The following PRKG2 variants were observed in gnomAD, a reference collection of about 807,000 sequenced individuals.
PRKG2 encodes protein kinase cGMP-dependent 2.
In PRKG2, 33 loss-of-function variants were observed where a neutral mutation model predicts 97.2. That is an observed-to-expected ratio of 0.34 (90% CI 0.26 to 0.45). The LOEUF (loss-of-function observed/expected upper bound fraction) is 0.45, where lower values mean the gene tolerates loss of function less well. Ranked by LOEUF, PRKG2 falls within the 20% of genes least tolerant of loss-of-function variation. PRKG2 has a pLI of 1.00. For missense variants in PRKG2, 638 were observed against 900.0 expected, an observed-to-expected ratio of 0.71 and a Z score of 3.73; for synonymous variants, 330 against 321.8, an observed-to-expected ratio of 1.03 and a Z score of -0.27.
chr4:81,118,161 C>T (rs1298247655), intron 14 of PRKG2, among the ~76,000 whole-genome samples: 1 of 152,134 alleles, frequency 6.6e-6, no homozygotes, highest in African/African-American at 2.4e-5. Flanking sequence ...CATCTTTTCG[C>T]GGCTTGATAA....
At chr4:81,208,378 G>T (rs1372500600) in intron 1 of PRKG2, among the ~76,000 whole-genome samples, 2 of 152,124 alleles carry the variant, frequency 1.3e-5, no homozygotes, top group African/African-American at 2.4e-5. Context: ...TTTCTGGGTA[G>T]GACAGAAGTC....
At chr4:81,164,375 G>A (rs181030286) in intron 6 of PRKG2, among the ~76,000 whole-genome samples, 1 of 151,916 alleles carries the variant, frequency 6.6e-6, no homozygotes, top group Non-Finnish European at 1.5e-5. Flanking sequence ...TTAGCTCAAT[G>A]GTTCATAAAC....
intron 4 of PRKG2, among the ~76,000 whole-genome samples, chr4:81,171,431 G>GA (rs113486940): frequency 0.011 from 1,668 of 152,146 alleles, 35 homozygotes; most frequent in African/African-American, 0.038. Flanking sequence ...CATTTGGATT[G>GA]ATTCCATGTC....
intron 18 of PRKG2, among the ~76,000 whole-genome samples, chr4:81,090,748 G>A (rs779066657): frequency 3.4e-4 from 52 of 152,110 alleles, no homozygotes; most frequent in Middle Eastern, 3.2e-3. Context: ...AAGTGACATC[G>A]CTGTAATAAA....
chr4:81,089,509 T>A lies in PRKG2; in HGVS notation c.*199A>T, dbSNP rs1299701465. 3 of 445,834 alleles carry A rather than the reference T, an allele frequency of 6.7e-6. No individual in the cohort carries two copies. The highest frequency in any genetic ancestry group is 8.1e-5 in the Admixed American group (2 of 24,780). 27.6% of individuals were successfully genotyped at this position (445,834 alleles called of 1,614,324 possible). A position where few individuals can be genotyped will look rare whatever the true frequency, so the allele number is the denominator to read the frequency against. On this transcript the variant is annotated 3_prime_UTR_variant, in exon 19 of 19. Coordinates refer to ENST00000264399, the MANE Select transcript of PRKG2 (RefSeq NM_006259.3). ...AAAAGCAAATAATGTAATACATCAA[T>A]AATTCACAGCATCTAAATAAGACAC...
At chr4:81,193,743 G>A (rs1279084139) in intron 2 of PRKG2, among the ~76,000 whole-genome samples, 1 of 152,146 alleles carries the variant, frequency 6.6e-6, no homozygotes. Flanking sequence ...AGGAGGCAGA[G>A]GCAGGAGAAT....
intron 3 of PRKG2, among the ~76,000 whole-genome samples, chr4:81,174,124 C>A (rs1397589915): frequency 6.6e-6 from 1 of 151,878 alleles, no homozygotes; most frequent in African/African-American, 2.4e-5. Flanking sequence ...TATAATCTTC[C>A]CAACTTGTAA....
intron 6 of PRKG2, among the ~76,000 whole-genome samples, chr4:81,158,729 G>A (rs1439838003): frequency 6.6e-6 from 1 of 152,048 alleles, no homozygotes; most frequent in Non-Finnish European, 1.5e-5. Context: ...AAAACAGCAT[G>A]GTGCTGGTAC....
At chr4:81,164,476 A>G (rs1254331514) in intron 6 of PRKG2, among the ~76,000 whole-genome samples, 1 of 152,146 alleles carries the variant, frequency 6.6e-6, no homozygotes, top group Admixed American at 6.6e-5. Context: ...GGTTTATGCG[A>G]GTGTTGGTAA....
chr4:81,216,864 T>C (rs1754288508), upstream of PRKG2, among the ~76,000 whole-genome samples: 1 of 150,016 alleles, frequency 6.7e-6, no homozygotes, highest in Non-Finnish European at 1.5e-5. Flanking sequence ...TATGATTTCA[T>C]TGTTTTTGTG....
At chr4:81,151,398 C>T (rs1748387588) in intron 8 of PRKG2, among the ~76,000 whole-genome samples, 1 of 152,028 alleles carries the variant, frequency 6.6e-6, no homozygotes, top group Non-Finnish European at 1.5e-5. Flanking sequence ...ATTTAATTAA[C>T]TTTTAAAAAT....
rs772489209 is a variant in PRKG2, at chr4:81,092,437, A to G, written c.2142T>C (p.Phe714=). 2 of 1,587,252 alleles carry G rather than the reference A, an allele frequency of 1.3e-6. No individual in the cohort carries two copies. The highest frequency in any genetic ancestry group is 3.4e-5 in the Admixed American group (2 of 59,006). ...TCCGTGCTTTCAGTCCCTCCCAATT[A>G]AAACCATTTAACCACCTGAGAAATG... is the stretch of plus-strand genomic sequence containing the variant. ...DIKKHRWLNG[F]NWEGLKARSL... is the part of the protein sequence containing the mutation. Residue 714 remains phenylalanine (F), a synonymous_variant, in exon 18 of 19, where the codon TTT becomes TTC. Transcript: ENST00000264399.
At chr4:81,121,372 A>C (rs1745053973) in intron 14 of PRKG2, among the ~76,000 whole-genome samples, 1 of 152,184 alleles carries the variant, frequency 6.6e-6, no homozygotes, top group Non-Finnish European at 1.5e-5. Flanking sequence ...GTAGAGAATC[A>C]GTATAATTTC....
At chr4:81,163,804 T>C (rs1048052161) in intron 6 of PRKG2, among the ~76,000 whole-genome samples, 6 of 150,258 alleles carry the variant, frequency 4.0e-5, no homozygotes, top group Non-Finnish European at 7.4e-5. Context: ...AAAAAGCAAA[T>C]GAAATCCTCA....
intron 2 of PRKG2, among the ~76,000 whole-genome samples, chr4:81,196,859 CAAATCATTTT>C (rs943359136): frequency 5.3e-5 from 8 of 150,036 alleles, no homozygotes; most frequent in African/African-American, 7.5e-5. Flanking sequence ...AGAAAGAAGA[CAAATCATTTT>C]AAAGTGAGAC....
chr4:81,163,617 C>T (rs78023086), intron 6 of PRKG2, among the ~76,000 whole-genome samples: 16,577 of 151,990 alleles, frequency 0.11, 1,104 homozygotes, highest in Middle Eastern at 0.21. Flanking sequence ...TTACTGTAAA[C>T]AAAATGTTCA....
At chr4:81,156,832 G>A (rs1749141893) in intron 6 of PRKG2, among the ~76,000 whole-genome samples, 2 of 152,122 alleles carry the variant, frequency 1.3e-5, no homozygotes, top group African/African-American at 2.4e-5. Context: ...AATGACTACT[G>A]GGTACATAAC....
rs1039578506 is a variant in PRKG2, at chr4:81,126,719, G to T, written c.1776+8436C>A. Among the ~76,000 whole-genome samples the T allele has an allele frequency of 5.3e-5, 8 of 150,116 alleles. No homozygotes were observed. The East Asian group carries it at 7.8e-4, about 15-fold the overall frequency. Reference sequence around the variant, plus strand: ...CCTCTCCTTTGCCCACTTTTTGATGGTTTTTTTTTCTTGTAAATTTTTTTA... The same window carrying T: ...CCTCTCCTTTGCCCACTTTTTGATGTTTTTTTTTTCTTGTAAATTTTTTTA... On this transcript the variant is annotated intron_variant, in intron 14 of 18. Transcript: ENST00000264399.
At chr4:81,206,245 T>A (rs1753641271) in intron 1 of PRKG2, among the ~76,000 whole-genome samples, 1 of 152,184 alleles carries the variant, frequency 6.6e-6, no homozygotes, top group South Asian at 2.1e-4. Flanking sequence ...GCACATGCAG[T>A]TTTTGACAGC....
Sources: allele counts gnomAD v4.1 joint callset (sites outside exome capture counted in the v4.1 genomes callset), GRCh38; gene constraint gnomAD v4.1.1; transcripts MANE v1.5; gene names NCBI Gene and HGNC (gene_info 2026-07-23, HGNC 2026-07-21).